Variants in STK36 observed in about 807,000 individuals in gnomAD.
STK36 encodes serine/threonine kinase 36.
In STK36, 116 loss-of-function variants were observed where a neutral mutation model predicts 142.2. The ratio of observed to expected loss-of-function variants is 0.82; its 90% CI spans 0.70 to 0.95. STK36 has a LOEUF of 0.95. Among genes scored for constraint, STK36 ranks in the 40% least tolerant of loss-of-function variants. The pLI, the probability that STK36 is intolerant of heterozygous loss-of-function variation, is 0.00. For missense variants in STK36, 1,422 were observed against 1,617.2 expected, an observed-to-expected ratio of 0.88 and a Z score of 2.07; for synonymous variants, 619 against 641.7, an observed-to-expected ratio of 0.96 and a Z score of 0.53.
At chr2:218,699,927 C>CTT (rs1185957083) in intron 26 of STK36, among the ~76,000 whole-genome samples, 1 of 146,348 alleles carries the variant, frequency 6.8e-6, no homozygotes, top group African/African-American at 2.5e-5. Flanking sequence ...TTTCTTTTTC[C>CTT]TTTTTTTTTT....
chr2:218,688,681 C>G lies in STK36; in HGVS notation c.1381-16C>G, dbSNP rs370882111. On this transcript the variant is annotated splice_polypyrimidine_tract_variant and intron_variant, in intron 11 of 26. Coordinates refer to ENST00000295709, the MANE Select transcript of STK36 (RefSeq NM_015690.5). The stretch of plus-strand genomic sequence containing the variant: ...TGAAAATATCAATCGTTGCCTCTTT[C>G]CCTCATGTCACCCAGATCCTGAAAG... 3 of 1,607,496 alleles carry G rather than the reference C, an allele frequency of 1.9e-6. No homozygotes were observed. The highest frequency in any genetic ancestry group is 2.5e-6 in the Non-Finnish European group (3 of 1,177,336).
intron 10 of STK36, among the ~76,000 whole-genome samples, chr2:218,681,242 C>T (rs779794044): frequency 4.6e-5 from 7 of 151,978 alleles, no homozygotes; most frequent in African/African-American, 7.3e-5. Context: ...ATTCTCCTGC[C>T]TCAGCCTCTT....
chr2:218,700,764 C>A (rs1045680369), intron 26 of STK36, among the ~76,000 whole-genome samples: 1 of 151,522 alleles, frequency 6.6e-6, no homozygotes, highest in Admixed American at 6.6e-5. Flanking sequence ...GTAATCCCAG[C>A]ACTTTGGGAG....
Position 218,676,278 on chromosome 2 carries a change from G to A in STK36, c.684G>A (p.Lys228=), listed in dbSNP as rs746479290. 26 of 1,613,786 alleles carry A rather than the reference G, an allele frequency of 1.6e-5. No homozygotes were observed. The South Asian group carries it at 2.7e-4, about 17-fold the overall frequency. The change falls in exon 6 of 27, where the codon AAG becomes AAA. Residue 228 remains lysine, a splice_region_variant and synonymous_variant. Transcript: ENST00000295709. ...RWPSTISPCF[K]NFLQGLLTKD... is the part of the protein sequence containing the mutation. ...CCTCAACCATCAGTCCCTGCTTTAAGGTAATGAATATTGAAAGGGAGATGA... is the reference window on the plus strand; with the variant it reads ...CCTCAACCATCAGTCCCTGCTTTAAAGTAATGAATATTGAAAGGGAGATGA...
rs1462250579 is a variant in STK36 at position 218,699,308 on chromosome 2, T to C, written c.3764T>C (p.Ile1255Thr). The stretch of plus-strand genomic sequence containing the variant: ...CCAAATGTGAAGGAGGCTGCCCTCA[T>C]TGCCCTCCGGAGCCTGCAACAGGAG... ...PQPNVKEAALIALRSLQQEPG... is the reference protein window; with the variant it reads ...PQPNVKEAALTALRSLQQEPG... Residue 1255 changes from isoleucine (I) to threonine (T), a missense_variant, in exon 26 of 27, where the codon ATT becomes ACT. Coordinates refer to ENST00000295709, the MANE Select transcript of STK36 (RefSeq NM_015690.5). 6 of 1,613,900 alleles carry C rather than the reference T, an allele frequency of 3.7e-6. No individual in the cohort carries two copies. In the African/African-American group the frequency reaches 5.3e-5, roughly 14 times the overall value.
Position 218,692,215 on chromosome 2 carries a change from C to T in STK36, c.1837C>T (p.Leu613=). 6.2e-7 allele frequency: 1 copy of T among 1,614,218 alleles called. No homozygotes were observed. The highest frequency in any genetic ancestry group is 1.1e-5 in the South Asian group (1 of 91,088). The change falls in exon 15 of 27, where the codon CTG becomes TTG. Residue 613 remains leucine, a synonymous_variant. Transcript: ENST00000295709. ...CTCCAAAGCCTTTTACTCCAGCTTG[C>T]TGACGACACAGCAGGTTGTCTTGGA... is the stretch of plus-strand genomic sequence containing the variant. The part of the protein sequence containing the change: ...AISKAFYSSL[L]TTQQVVLDGL...
At chr2:218,689,445 A>G (rs551604083) in intron 12 of STK36, among the ~76,000 whole-genome samples, 2 of 152,308 alleles carry the variant, frequency 1.3e-5, no homozygotes, top group Admixed American at 6.5e-5. Context: ...CCAAACCTCT[A>G]CTTCCCCCTG....
At chr2:218,674,994 A>G (rs1400388506) in intron 4 of STK36, among the ~76,000 whole-genome samples, 1 of 152,198 alleles carries the variant, frequency 6.6e-6, no homozygotes, top group African/African-American at 2.4e-5. Flanking sequence ...TGTGTATTGA[A>G]TATTTACTAT....
At chr2:218,687,112 C>T (rs747320276) in intron 11 of STK36, among the ~76,000 whole-genome samples, 7 of 152,130 alleles carry the variant, frequency 4.6e-5, no homozygotes, top group Non-Finnish European at 5.9e-5. Context: ...TGGTTGTTTG[C>T]GTTATTGAGT....
chr2:218,688,524 G>A (rs1242350570), intron 11 of STK36, 173 bp from the exon 12 acceptor site: 1 of 749,096 alleles, frequency 1.3e-6, no homozygotes, highest in Non-Finnish European at 2.2e-6. Flanking sequence ...CTTCTTCCCT[G>A]GTACAGTTCC....
intron 2 of STK36, 77 bp from the exon 3 acceptor site, chr2:218,673,548 C>T (rs757114973): frequency 5.4e-5 from 82 of 1,520,698 alleles, no homozygotes; most frequent in Non-Finnish European, 7.0e-5. Flanking sequence ...ACTTCTGGAG[C>T]TCTGAGATTA....
chr2:218,676,674 A>C, intron 6 of STK36, among the ~76,000 whole-genome samples: 1 of 139,552 alleles, frequency 7.2e-6, no homozygotes, highest in Non-Finnish European at 1.5e-5. Flanking sequence ...TTTGAGACAG[A>C]GTCTCGCTCT....
rs1017774991 is a variant in STK36 at position 218,672,721 on chromosome 2, C to T, written c.-89-20C>T. On this transcript the variant is annotated intron_variant, in intron 1 of 26. Coordinates refer to ENST00000295709, the MANE Select transcript of STK36 (RefSeq NM_015690.5). ...AAAGGCAAGGTGGCTAACATTTTTC[C>T]TTTCCCGTGCCCCAACTAGGCGTCC... The T allele has an allele frequency of 5.4e-5, 58 of 1,076,492 alleles. No homozygotes were observed. The highest frequency in any genetic ancestry group is 7.1e-5 in the Non-Finnish European group (51 of 720,252). 66.7% of individuals were successfully genotyped at this position (1,076,492 alleles called of 1,614,324 possible). A position where few individuals can be genotyped will look rare whatever the true frequency, so the allele number is the denominator to read the frequency against.
Position 218,690,432 on chromosome 2 carries a change from C to A in STK36, c.1659-18C>A. On this transcript the variant is annotated intron_variant, in intron 13 of 26. Transcript: ENST00000295709. ...TAGTAGAGAGATAAGAAATCATGGG[C>A]TCATTTTCCACCCCCAGCCTGCAGG... 6.2e-7 allele frequency: 1 copy of A among 1,607,430 alleles called. No homozygotes were observed. Among genetic ancestry groups the A allele is most frequent in the Non-Finnish European group, 8.5e-7 (1 of 1,173,936 alleles).
Position 218,672,781 on chromosome 2 carries a change from C to T in STK36, c.-49C>T, listed in dbSNP as rs4309572. On this transcript the variant is annotated 5_prime_UTR_variant, in exon 2 of 27. Coordinates refer to ENST00000295709, the MANE Select transcript of STK36 (RefSeq NM_015690.5). ...TGGAACTGTCCCTGGATCTATAGCT[C>T]TTCACCGTCTCTACTTTCTTCCTTC... The T allele has an allele frequency of 1.9e-6, 3 of 1,590,142 alleles. No individual in the cohort carries two copies. Among genetic ancestry groups the T allele is most frequent in the Non-Finnish European group, 2.6e-6 (3 of 1,158,460 alleles).
chr2:218,695,222 C>CTTTTTTTTTTTT (rs531122836), intron 21 of STK36, among the ~76,000 whole-genome samples: 1 of 88,108 alleles, frequency 1.1e-5, no homozygotes, highest in Non-Finnish European at 2.1e-5. Flanking sequence ...ATTGTCATCC[C>CTTTTTTTTTTTT]TTTTTTTTTT....
At chr2:218,672,991 G>A (rs1056311959) in intron 2 of STK36, 78 bp downstream of exon 2, 24 of 1,302,992 alleles carry the variant, frequency 1.8e-5, no homozygotes, top group East Asian at 9.2e-5. Flanking sequence ...TAGAAGGAAT[G>A]TATTTATACC....
chr2:218,699,484 T>G (rs1941367352), intron 26 of STK36, 136 bp downstream of exon 26: 2 of 1,344,612 alleles, frequency 1.5e-6, no homozygotes, highest in East Asian at 5.0e-5. Flanking sequence ...GACAGTGTCT[T>G]GGAGTGAGTT....
chr2:218,699,764 C>T (rs559075357), intron 26 of STK36, among the ~76,000 whole-genome samples: 5 of 152,178 alleles, frequency 3.3e-5, no homozygotes, highest in African/African-American at 1.2e-4. Context: ...TATTATTATC[C>T]TAATTTTGCA....
Sources: allele counts gnomAD v4.1 joint callset (sites outside exome capture counted in the v4.1 genomes callset), GRCh38; gene constraint gnomAD v4.1.1; transcripts MANE v1.5; gene names NCBI Gene and HGNC (gene_info 2026-07-23, HGNC 2026-07-21).